Variants in ESR1 observed in about 807,000 individuals in gnomAD.
ESR1 encodes the protein estrogen receptor 1.
In ESR1, 12 loss-of-function variants were observed where a neutral mutation model predicts 52.7. The observed-to-expected ratio is 0.23, with a 90% CI of 0.15 to 0.37. ESR1 has a LOEUF of 0.37. Among genes scored for constraint, ESR1 ranks in the 10% least tolerant of loss-of-function variants. ESR1 has a pLI of 1.00. For synonymous variants in ESR1, 305 were observed against 316.8 expected (o/e 0.96, Z 0.39); for missense variants, 584 against 779.7 (o/e 0.75, Z 2.99).
intron 1 of ESR1, among the ~76,000 whole-genome samples, chr6:151,823,126 T>C (rs1780848978): frequency 6.6e-6 from 1 of 152,236 alleles, no homozygotes; most frequent in Non-Finnish European, 1.5e-5. Flanking sequence ...ATTTGTTGTT[T>C]ATCTGAAATT....
Position 151,808,242 on chromosome 6 carries a change from A to T in ESR1, c.330A>T (p.Leu110=). ...LNSVSPSPLM[L]LHPPPQLSPF... is the part of the protein sequence containing the mutation. Reference sequence around the variant, plus strand: ...GCGTGTCTCCGAGCCCGCTGATGCTACTGCACCCGCCGCCGCAGCTGTCGC... The same window carrying T: ...GCGTGTCTCCGAGCCCGCTGATGCTTCTGCACCCGCCGCCGCAGCTGTCGC... The change falls in exon 1 of 8, where the codon CTA becomes CTT. Residue 110 remains leucine (L), a synonymous_variant. Transcript: ENST00000206249. 2 of 1,573,574 alleles carry T rather than the reference A, an allele frequency of 1.3e-6. No homozygotes were observed. Among genetic ancestry groups the T allele is most frequent in the South Asian group, 1.2e-5 (1 of 86,246 alleles).
intron 5 of ESR1, among the ~76,000 whole-genome samples, chr6:152,020,147 G>A (rs1245576991): frequency 3.3e-5 from 5 of 152,090 alleles, no homozygotes; most frequent in Non-Finnish European, 7.3e-5. Flanking sequence ...AAAACCAATC[G>A]CTGGTTTATG....
chr6:151,831,172 T>A (rs1383112159), intron 1 of ESR1, among the ~76,000 whole-genome samples: 4 of 151,448 alleles, frequency 2.6e-5, no homozygotes, highest in African/African-American at 4.9e-5. Flanking sequence ...AGACAGGTTC[T>A]CTCTCTGTCA....
At chr6:151,879,747 A>G (rs1310455149) in intron 2 of ESR1, among the ~76,000 whole-genome samples, 2 of 152,146 alleles carry the variant, frequency 1.3e-5, no homozygotes, top group African/African-American at 4.8e-5. Flanking sequence ...TAGATTAGCG[A>G]GGAGGAAAGA....
intron 5 of ESR1, among the ~76,000 whole-genome samples, chr6:152,012,208 A>C (rs2042836975): frequency 6.6e-6 from 1 of 151,906 alleles, no homozygotes; most frequent in African/African-American, 2.4e-5. Flanking sequence ...TTTCTTCTCC[A>C]ATTTTCCCAT....
intron 6 of ESR1, among the ~76,000 whole-genome samples, chr6:152,085,638 C>A (rs143103301): frequency 6.6e-6 from 1 of 152,248 alleles, no homozygotes; most frequent in African/African-American, 2.4e-5. Flanking sequence ...TGTCTGATAT[C>A]CCAGCATAGG....
intron 2 of ESR1, among the ~76,000 whole-genome samples, chr6:151,776,650 C>T (rs1310614640): frequency 6.6e-6 from 1 of 152,142 alleles, no homozygotes; most frequent in East Asian, 1.9e-4. Context: ...TCAGCCTGGT[C>T]AACATGGTGA....
intron 2 of ESR1, among the ~76,000 whole-genome samples, chr6:151,792,060 C>T (rs1020781219): frequency 6.6e-6 from 1 of 152,170 alleles, no homozygotes; most frequent in African/African-American, 2.4e-5. Flanking sequence ...GATAGTACAG[C>T]CTGTTGCTCC....
chr6:151,827,945 G>A (rs1781788155), intron 1 of ESR1, among the ~76,000 whole-genome samples: 1 of 152,154 alleles, frequency 6.6e-6, no homozygotes, highest in South Asian at 2.1e-4. Flanking sequence ...CATCTCTCCA[G>A]CTAGAGAAAA....
chr6:152,048,015 C>T (rs1212295139), intron 5 of ESR1, among the ~76,000 whole-genome samples: 1 of 114,338 alleles, frequency 8.7e-6, no homozygotes, highest in East Asian at 2.9e-4. Context: ...TGTCTCTCTT[C>T]TTGGCACACT....
chr6:152,046,656 T>C (rs2046253773), intron 5 of ESR1, among the ~76,000 whole-genome samples: 1 of 152,114 alleles, frequency 6.6e-6, no homozygotes, highest in African/African-American at 2.4e-5. Flanking sequence ...GAATTGCCAA[T>C]GAGTTGTAAT....
chr6:152,017,419 T>C (rs958278089), intron 5 of ESR1, among the ~76,000 whole-genome samples: 1 of 152,066 alleles, frequency 6.6e-6, no homozygotes, highest in Admixed American at 6.6e-5. Context: ...AACCAAGAAA[T>C]AAAGGTTATT....
At chr6:152,086,525 A>G (rs2049734500) in intron 6 of ESR1, among the ~76,000 whole-genome samples, 3 of 151,470 alleles carry the variant, frequency 2.0e-5, no homozygotes, top group African/African-American at 7.3e-5. Flanking sequence ...TAAAAAGTGC[A>G]CATGTAAGAT....
upstream of ESR1, among the ~76,000 whole-genome samples, chr6:151,803,591 A>C (rs1001930904): frequency 3.3e-5 from 5 of 152,136 alleles, no homozygotes; most frequent in Non-Finnish European, 5.9e-5. Flanking sequence ...ATGGATCCTG[A>C]AGCAGTAAAA....
At chr6:151,992,264 A>C (rs1562642460) in intron 4 of ESR1, among the ~76,000 whole-genome samples, 1 of 152,146 alleles carries the variant, frequency 6.6e-6, no homozygotes, top group Non-Finnish European at 1.5e-5. Context: ...ATTCATCTCC[A>C]GAACTTTCTC....
chr6:151,974,138 C>A (rs940321620), intron 4 of ESR1, among the ~76,000 whole-genome samples: 1 of 152,074 alleles, frequency 6.6e-6, no homozygotes, highest in African/African-American at 2.4e-5. Flanking sequence ...ATGTGCTATG[C>A]CTGTTAGATG....
intron 6 of ESR1, among the ~76,000 whole-genome samples, chr6:152,088,691 C>T (rs571754293): frequency 1.4e-4 from 22 of 152,204 alleles, no homozygotes; most frequent in Non-Finnish European, 3.1e-4. Context: ...GAGTCCCCAG[C>T]AGAAAGAAGG....
chr6:151,930,772 T>C (rs2033477024), intron 3 of ESR1, among the ~76,000 whole-genome samples: 1 of 152,174 alleles, frequency 6.6e-6, no homozygotes, highest in Non-Finnish European at 1.5e-5. Context: ...TAATATTTCC[T>C]TCACTTTTGA....
intron 1 of ESR1, among the ~76,000 whole-genome samples, chr6:151,828,640 G>C (rs1781892253): frequency 6.6e-6 from 1 of 152,118 alleles, no homozygotes. Context: ...GCAATATGTA[G>C]GTGTTACTCT....
Sources: gnomAD v4.1 joint callset for allele counts (sites outside exome capture counted in the v4.1 genomes callset) on GRCh38, gnomAD v4.1.1 for gene constraint, MANE v1.5 for transcripts, NCBI Gene and HGNC (gene_info 2026-07-23, HGNC 2026-07-21) for gene names.